Variants in GRM6 observed in about 807,000 individuals in gnomAD.
The protein encoded by GRM6 is metabotropic glutamate receptor 6.
Under a neutral mutation model 78.4 loss-of-function variants are expected in GRM6, and 73 were observed. The ratio of observed to expected loss-of-function variants is 0.93; its 90% CI spans 0.77 to 1.13. The LOEUF (loss-of-function observed/expected upper bound fraction) is 1.13, where lower values mean the gene tolerates loss of function less well. Among genes scored for constraint, GRM6 ranks in the 50% most tolerant of loss-of-function variants. GRM6 has a pLI of 0.00. For missense variants in GRM6, 1,251 were observed against 1,256.4 expected, an observed-to-expected ratio of 1.00 and a Z score of 0.07; for synonymous variants, 580 against 555.0, an observed-to-expected ratio of 1.05 and a Z score of -0.63.
chr5:178,994,484 C>A lies in GRM6; in HGVS notation c.461G>T (p.Ser154Ile). The part of the protein sequence containing the change: ...RVVAVVGASA[S>I]SVSIMVANVL... ...GTTGGCGACCATGATGGAGACGGAG[C>A]TGGCCGAGGCGCCCACGACGGCCAC... Residue 154 changes from serine to isoleucine, a missense_variant, in exon 2 of 11, where the codon AGC (serine) becomes ATC (isoleucine). Ser to Ile is a moderately radical substitution (Grantham distance 142). Coordinates refer to ENST00000517717, the MANE Select transcript of GRM6 (RefSeq NM_000843.4). 6.8e-7 allele frequency: 1 copy of A among 1,463,426 alleles called. No individual in the cohort carries two copies. Among genetic ancestry groups the A allele is most frequent in the Non-Finnish European group, 9.0e-7 (1 of 1,112,592 alleles). The allele number at this position is 1,463,426 out of a possible 1,614,324, so 90.7% of individuals were successfully genotyped here. A position where few individuals can be genotyped will look rare whatever the true frequency, so the allele number is the denominator to read the frequency against.
At chr5:178,985,329 G>C (rs771381984) in intron 9 of GRM6, 14 of 452,766 alleles carry the variant, frequency 3.1e-5, no homozygotes, top group South Asian at 2.2e-4. Flanking sequence ...TTTCCTTCAA[G>C]GACCCAGCAG....
intron 9 of GRM6, 48 bp downstream of exon 9, chr5:178,986,082 C>CG: frequency 6.4e-7 from 1 of 1,563,456 alleles, no homozygotes; most frequent in Non-Finnish European, 8.7e-7. Flanking sequence ...TGTAACGTTG[C>CG]GGACAGTCCC....
Position 178,992,179 on chromosome 5 carries a change from G to A in GRM6, c.505-96C>T. 3.6e-6 allele frequency: 3 copies of A among 832,398 alleles called. No individual in the cohort carries two copies. Among genetic ancestry groups the A allele is most frequent in the Non-Finnish European group, 6.0e-6 (3 of 501,176 alleles). The allele number at this position is 832,398 out of a possible 1,614,324, so 51.6% of individuals were successfully genotyped here. Reference sequence around the variant, plus strand: ...CCCAGGACACGGACGGGGCACAGAAGGTGTGTGGCATGGACCTGGGACACA... The same window carrying A: ...CCCAGGACACGGACGGGGCACAGAAAGTGTGTGGCATGGACCTGGGACACA... On this transcript the variant is annotated intron_variant, in intron 2 of 10. Coordinates refer to ENST00000517717, the MANE Select transcript of GRM6 (RefSeq NM_000843.4). This position sits in a 1 kb window ranked among gnomAD's most constrained non-coding sequence, Gnocchi z 4.9.
intron 9 of GRM6, among the ~76,000 whole-genome samples, chr5:178,984,406 C>A (rs763605785): frequency 1.3e-5 from 2 of 152,148 alleles, no homozygotes; most frequent in Non-Finnish European, 2.9e-5. Context: ...TAAGTGCAGG[C>A]GAATTGAAGC....
At chr5:178,989,646 C>T in intron 5 of GRM6, 1 of 595,206 alleles carries the variant, frequency 1.7e-6, no homozygotes, top group East Asian at 2.9e-5. Context: ...TTGGTGGACT[C>T]AGAGCCAACT....
intron 7 of GRM6, among the ~76,000 whole-genome samples, chr5:178,987,905 A>G (rs71594800): frequency 0.95 from 135,294 of 143,124 alleles, 64,489 homozygotes; most frequent in South Asian, 1. Flanking sequence ...GATTATAGGC[A>G]CCCGTCGCCA....
At position 178,991,549 on chromosome 5, in the gene GRM6, A is replaced by T; in HGVS notation, c.732T>A (p.Cys244Ter). Residue 244 changes from cysteine (C) to a stop codon, truncating the protein, a stop_gained, in exon 4 of 11, where the codon TGT becomes TGA. Coordinates refer to ENST00000517717, the MANE Select transcript of GRM6 (RefSeq NM_000843.4). LOFTEE classifies it high-confidence loss of function. This position sits in a 1 kb window ranked among gnomAD's most constrained non-coding sequence, Gnocchi z 5.0. ...TGGGAATCTTGATAGACTGGGCAAT[A>T]CAGACCCCCCCTGGGCGTTGGGGGT... ...VQISREAGGV[C>*]IAQSIKIPRE... 2 of 1,613,758 alleles carry T rather than the reference A, an allele frequency of 1.2e-6. No homozygotes were observed.
At chr5:178,983,559 T>C (rs911180599) in intron 9 of GRM6, 8 of 486,104 alleles carry the variant, frequency 1.6e-5, no homozygotes, top group African/African-American at 1.3e-4. Context: ...TGCCATTTAC[T>C]GCGCCCCTTC....
At chr5:178,985,702 A>T (rs778082067) in intron 9 of GRM6, 3 of 198,398 alleles carry the variant, frequency 1.5e-5, no homozygotes, top group Non-Finnish European at 2.8e-5. Context: ...GACTCTGTCT[A>T]AAAAAAAAAA....
chr5:178,981,741 A>G lies in GRM6; in HGVS notation c.2550T>C (p.Asn850=), dbSNP rs761725497. The G allele has an allele frequency of 6.2e-7, 1 of 1,613,856 alleles. No homozygotes were observed. The highest frequency in any genetic ancestry group is 1.3e-5 in the African/African-American group (1 of 74,924). ...TYVILFHPEQ[N]VQKRKRSLKA... Reference sequence around the variant, plus strand: ...TGAGGCTCCGCTTTCGCTTCTGCACATTCTGCTCTGGATGGAAGAGGATGA... The same window carrying G: ...TGAGGCTCCGCTTTCGCTTCTGCACGTTCTGCTCTGGATGGAAGAGGATGA... Residue 850 remains asparagine (N), a synonymous_variant, in exon 11 of 11, where the codon AAT becomes AAC. Coordinates refer to ENST00000517717, the MANE Select transcript of GRM6 (RefSeq NM_000843.4). The surrounding 1 kb of genome is among the most constrained non-coding windows in gnomAD (Gnocchi z 5.1).
rs1437151310 is a variant in GRM6, at chr5:178,983,538, GC to G, written c.2125-318del. Reference sequence around the variant, plus strand: ...CTTGGTGTCCTCTTCCTGCATTCTAGCCATTACCAATGCCATTTACTGCGCC... The same window carrying G: ...CTTGGTGTCCTCTTCCTGCATTCTAGCATTACCAATGCCATTTACTGCGCC... On this transcript the variant is annotated intron_variant, in intron 9 of 10. Coordinates refer to ENST00000517717, the MANE Select transcript of GRM6 (RefSeq NM_000843.4). The G allele has an allele frequency of 7.3e-6, 4 of 551,216 alleles. No individual in the cohort carries two copies. In the East Asian group the frequency reaches 1.7e-4, roughly 23 times the overall value. 34.1% of individuals were successfully genotyped at this position (551,216 alleles called of 1,614,324 possible).
Position 178,992,174 on chromosome 5 carries a change from CAGA to C in GRM6, c.505-94_505-92del. 2 of 858,690 alleles carry C rather than the reference CAGA, an allele frequency of 2.3e-6. No homozygotes were observed. The highest frequency in any genetic ancestry group is 2.2e-4 in the Middle Eastern group (1 of 4,622). 53.2% of individuals were successfully genotyped at this position (858,690 alleles called of 1,614,324 possible). On this transcript the variant is annotated intron_variant, in intron 2 of 10. Transcript: ENST00000517717. The surrounding 1 kb of genome is among the most constrained non-coding windows in gnomAD (Gnocchi z 4.9). ...GGGGGCCCAGGACACGGACGGGGCA[CAGA>C]AGGTGTGTGGCATGGACCTGGGACA...
intron 2 of GRM6, among the ~76,000 whole-genome samples, chr5:178,993,126 G>C (rs1760711007): frequency 6.6e-6 from 1 of 152,202 alleles, no homozygotes; most frequent in African/African-American, 2.4e-5. Flanking sequence ...AGTTCTTTTA[G>C]ACCAGGAATT....
chr5:178,991,709 G>A lies in GRM6; in HGVS notation c.722-150C>T. 1 of 1,182,622 alleles carries A rather than the reference G, an allele frequency of 8.5e-7. No individual in the cohort carries two copies. Among genetic ancestry groups the A allele is most frequent in the Non-Finnish European group, 1.3e-6 (1 of 799,974 alleles). The allele number at this position is 1,182,622 out of a possible 1,614,324, so 73.3% of individuals were successfully genotyped here. On this transcript the variant is annotated intron_variant, in intron 3 of 10. Coordinates refer to ENST00000517717, the MANE Select transcript of GRM6 (RefSeq NM_000843.4). The surrounding 1 kb of genome is among the most constrained non-coding windows in gnomAD (Gnocchi z 5.0). ...TCCGCCAAGCCTGAGGCAGGGCTGA[G>A]TCGTCCAAAACAAAGAGGTCCCGCC... is the stretch of plus-strand genomic sequence containing the variant.
At chr5:178,990,500 G>A in intron 5 of GRM6, 92 bp downstream of exon 5, 2 of 1,041,584 alleles carry the variant, frequency 1.9e-6, no homozygotes, top group Non-Finnish European at 1.5e-6. Context: ...CTGGATTATG[G>A]CACCAATTAC....
rs780625023 is a variant in GRM6, at chr5:178,992,125, G to A, written c.505-42C>T. 4.9e-6 allele frequency: 7 copies of A among 1,425,276 alleles called. No individual in the cohort carries two copies. Among genetic ancestry groups the A allele is most frequent in the Non-Finnish European group, 5.9e-6 (6 of 1,012,942 alleles). 88.3% of individuals were successfully genotyped at this position (1,425,276 alleles called of 1,614,324 possible). A position where few individuals can be genotyped will look rare whatever the true frequency, so the allele number is the denominator to read the frequency against. ...ACAGCTGGGCTGTGGATGGAGGTCA[G>A]TAACTCAAGAGAGGGAGGGTAAGGG... is the stretch of plus-strand genomic sequence containing the variant. On this transcript the variant is annotated intron_variant, in intron 2 of 10. Coordinates refer to ENST00000517717, the MANE Select transcript of GRM6 (RefSeq NM_000843.4). This position sits in a 1 kb window ranked among gnomAD's most constrained non-coding sequence, Gnocchi z 4.9.
At chr5:178,985,664 C>A (rs748431468) in intron 9 of GRM6, 24 of 397,544 alleles carry the variant, frequency 6.0e-5, no homozygotes, top group Admixed American at 4.5e-4. Flanking sequence ...GATAGTGCCA[C>A]TGCACTCCAG....
At chr5:178,989,994 G>A (rs1196319756) in intron 5 of GRM6, 1 of 199,156 alleles carries the variant, frequency 5.0e-6, no homozygotes, top group Non-Finnish European at 1.0e-5. Context: ...CCTGCACCCA[G>A]ATGCAACGTA....
chr5:178,982,689 T>G (rs1384030837), intron 10 of GRM6: 2 of 297,272 alleles, frequency 6.7e-6, no homozygotes, highest in South Asian at 4.8e-5. Flanking sequence ...GAAATGAAAA[T>G]GATAAAAAAA....
Sources: gnomAD v4.1 joint callset for allele counts (sites outside exome capture counted in the v4.1 genomes callset) on GRCh38, gnomAD v4.1.1 for gene constraint, Gnocchi (gnomAD v3.1) non-coding constraint, MANE v1.5 for transcripts, NCBI Gene and HGNC (gene_info 2026-07-23, HGNC 2026-07-21) for gene names.